CRACD: variants seen among roughly 807,000 people sequenced by gnomAD.
CRACD encodes the protein capping protein inhibiting regulator of actin dynamics.
A neutral mutation model predicts 106.8 loss-of-function variants in CRACD; 56 were observed. That is an observed-to-expected ratio of 0.52 (90% CI 0.42 to 0.66). The LOEUF (loss-of-function observed/expected upper bound fraction) is 0.66, where lower values mean the gene tolerates loss of function less well. Ranked by LOEUF, CRACD falls within the 30% of genes least tolerant of loss-of-function variation. The pLI is 0.00. For synonymous variants in CRACD, 754 were observed against 670.8 expected (o/e 1.12, Z -1.92); for missense variants, 1,730 against 1,623.2 (o/e 1.07, Z -1.13).
intron 2 of CRACD, among the ~76,000 whole-genome samples, chr4:56,190,939 G>A (rs1456109645): frequency 6.6e-6 from 1 of 152,064 alleles, no homozygotes; most frequent in Non-Finnish European, 1.5e-5. Flanking sequence ...CCCCCATGAT[G>A]CAATCACCTC....
At chr4:56,236,750 AC>A (rs1374066828) in intron 2 of CRACD, among the ~76,000 whole-genome samples, 4 of 152,118 alleles carry the variant, frequency 2.6e-5, no homozygotes, top group Admixed American at 6.5e-5. Context: ...AAAAAAAAAA[AC>A]AAAACTTTTG....
chr4:56,295,729 C>A (rs1743983421), intron 3 of CRACD, among the ~76,000 whole-genome samples: 2 of 138,762 alleles, frequency 1.4e-5, no homozygotes, highest in African/African-American at 2.7e-5. Context: ...TGCAAAAATA[C>A]AATGTAGAAA....
intron 1 of CRACD, among the ~76,000 whole-genome samples, chr4:56,088,398 G>A (rs1462748594): frequency 3.9e-5 from 6 of 152,104 alleles, no homozygotes; most frequent in African/African-American, 1.4e-4. Context: ...GTGCAGTGAC[G>A]TGATCTCGGC....
At position 56,224,531 on chromosome 4, in the gene CRACD, G is replaced by A. The variant is rs1739197815; in HGVS notation, c.-189+45101G>A. ...GTTTAATCTAGTTAATTAGGAAAAT[G>A]CAAATTAAAACCACAGGGAGGTACC... is the stretch of plus-strand genomic sequence containing the variant. On this transcript the variant is annotated intron_variant, in intron 2 of 10. Transcript: ENST00000682029. Among the ~76,000 whole-genome samples the A allele has an allele frequency of 1.3e-5, 2 of 152,106 alleles. 1 individual carries two copies. The highest frequency in any genetic ancestry group is 4.1e-4 in the South Asian group (2 of 4,826).
At position 56,297,065 on chromosome 4, in the gene CRACD, G is replaced by A. The variant is rs762456596; in HGVS notation, c.-16-1149G>A. Among the ~76,000 whole-genome samples, 40 of 152,100 alleles carry A rather than the reference G, an allele frequency of 2.6e-4. 1 individual carries two copies. The highest frequency in any genetic ancestry group is 4.6e-4 in the Non-Finnish European group (31 of 68,006). On this transcript the variant is annotated intron_variant, in intron 3 of 10. Coordinates refer to ENST00000682029, the MANE Select transcript of CRACD (RefSeq NM_001393381.1). ...CTCCCAAGTAGCTGGGATTATAGGC[G>A]CCAGCCATCATGCCCGGCTAATTTT...
At chr4:56,150,888 A>G (rs1162646518) in intron 1 of CRACD, among the ~76,000 whole-genome samples, 1 of 152,222 alleles carries the variant, frequency 6.6e-6, no homozygotes, top group East Asian at 1.9e-4. Context: ...TTGTTGAGTC[A>G]TGGGGGATGT....
chr4:56,057,085 A>C (rs1732100369), intron 1 of CRACD, among the ~76,000 whole-genome samples: 1 of 152,186 alleles, frequency 6.6e-6, no homozygotes, highest in South Asian at 2.1e-4. Context: ...TTTACTTTTA[A>C]AATGTATCTA....
intron 4 of CRACD, among the ~76,000 whole-genome samples, chr4:56,302,329 G>C (rs1744416553): frequency 1.3e-5 from 2 of 152,162 alleles, no homozygotes; most frequent in East Asian, 1.9e-4. Context: ...AGATCAGACC[G>C]GGCTGTGAGG....
At chr4:56,110,650 G>C (rs2109841854) in intron 1 of CRACD, among the ~76,000 whole-genome samples, 1 of 152,260 alleles carries the variant, frequency 6.6e-6, no homozygotes, top group Admixed American at 6.5e-5. Context: ...AGGCTGGAGT[G>C]TAGTGGTGCA....
chr4:56,214,516 C>T lies in CRACD; in HGVS notation c.-189+35086C>T, dbSNP rs562214902. ...CCGCGGCAGGAGAATCACGTGAACCCGGGAGGCGGAGGTTGCAGTCAGCTG... is the reference window on the plus strand; with the variant it reads ...CCGCGGCAGGAGAATCACGTGAACCTGGGAGGCGGAGGTTGCAGTCAGCTG... On this transcript the variant is annotated intron_variant, in intron 2 of 10. Coordinates refer to ENST00000682029, the MANE Select transcript of CRACD (RefSeq NM_001393381.1). Among the ~76,000 whole-genome samples, 320 of 151,596 alleles carry T rather than the reference C, an allele frequency of 2.1e-3. 1 individual carries two copies. The highest frequency in any genetic ancestry group is 7.2e-3 in the African/African-American group (298 of 41,338).
At chr4:56,257,337 C>T (rs1741423759) in intron 2 of CRACD, among the ~76,000 whole-genome samples, 1 of 151,942 alleles carries the variant, frequency 6.6e-6, no homozygotes, top group Non-Finnish European at 1.5e-5. Flanking sequence ...CTGCCTTGGC[C>T]TCCTAAAGTG....
chr4:56,239,460 A>T (rs1335641926), intron 2 of CRACD, among the ~76,000 whole-genome samples: 3 of 152,074 alleles, frequency 2.0e-5, no homozygotes, highest in Admixed American at 6.6e-5. Context: ...ATTCGCAGGC[A>T]TGGTGACTGG....
At chr4:56,222,397 G>A (rs1363931906) in intron 2 of CRACD, among the ~76,000 whole-genome samples, 1 of 152,130 alleles carries the variant, frequency 6.6e-6, no homozygotes, top group African/African-American at 2.4e-5. Flanking sequence ...AGTGGGGAGA[G>A]TGGGAGGGAA....
At chr4:56,068,914 T>C (rs1188097186) in intron 1 of CRACD, among the ~76,000 whole-genome samples, 1 of 151,976 alleles carries the variant, frequency 6.6e-6, no homozygotes, top group Non-Finnish European at 1.5e-5. Flanking sequence ...GCAGATGTAA[T>C]TGGTTAAACA....
At chr4:56,104,133 A>C (rs1733867569) in intron 1 of CRACD, among the ~76,000 whole-genome samples, 1 of 152,200 alleles carries the variant, frequency 6.6e-6, no homozygotes, top group African/African-American at 2.4e-5. Flanking sequence ...GCAGTAGCTC[A>C]TGCCGGTGAT....
intron 2 of CRACD, among the ~76,000 whole-genome samples, chr4:56,235,448 T>C (rs1338616652): frequency 5.9e-5 from 9 of 152,230 alleles, no homozygotes; most frequent in Admixed American, 5.2e-4. Flanking sequence ...AGTCATTAAA[T>C]ACCAGCTCAC....
chr4:56,116,002 TAGGTGTTTGC>T (rs1260375565), intron 1 of CRACD, among the ~76,000 whole-genome samples: 4 of 152,230 alleles, frequency 2.6e-5, no homozygotes, highest in African/African-American at 9.6e-5. Flanking sequence ...CAGTTAGTGT[TAGGTGTTTGC>T]AGCTCCTTGT....
At chr4:56,182,831 AT>A (rs1419166228) in intron 2 of CRACD, among the ~76,000 whole-genome samples, 2 of 147,742 alleles carry the variant, frequency 1.4e-5, no homozygotes, top group African/African-American at 5.1e-5. Flanking sequence ...GAATTAAATG[AT>A]TTTTTCTCAT....
At chr4:56,192,175 T>C (rs1737401960) in intron 2 of CRACD, among the ~76,000 whole-genome samples, 1 of 152,180 alleles carries the variant, frequency 6.6e-6, no homozygotes, top group Non-Finnish European at 1.5e-5. Context: ...GAGGATCACC[T>C]GCGGTCAGGA....
Sources: allele counts gnomAD v4.1 joint callset (sites outside exome capture counted in the v4.1 genomes callset), GRCh38; gene constraint gnomAD v4.1.1; transcripts MANE v1.5; gene names NCBI Gene and HGNC (gene_info 2026-07-23, HGNC 2026-07-21).